SEC23IP: variants seen among roughly 807,000 people sequenced by gnomAD.
SEC23IP encodes the protein SEC23-interacting protein.
SEC23IP carries 70 observed loss-of-function variants against 113.4 expected under a neutral mutation model. That is an observed-to-expected ratio of 0.62 (90% CI 0.51 to 0.75). The LOEUF (loss-of-function observed/expected upper bound fraction) is 0.75. Among genes scored for constraint, SEC23IP ranks in the 30% least tolerant of loss-of-function variants. The pLI, the probability that SEC23IP is intolerant of heterozygous loss-of-function variation, is 0.00. For synonymous variants in SEC23IP, 398 were observed against 421.0 expected, an observed-to-expected ratio of 0.95 and a Z score of 0.67; for missense variants, 1,160 against 1,204.9, an observed-to-expected ratio of 0.96 and a Z score of 0.55.
chr10:119,934,222 A>G (rs1042842090), intron 18 of SEC23IP, among the ~76,000 whole-genome samples: 2 of 152,182 alleles, frequency 1.3e-5, no homozygotes, highest in Non-Finnish European at 2.9e-5. Context: ...CCTCATAGTT[A>G]TAAGGTGCCC....
intron 18 of SEC23IP, among the ~76,000 whole-genome samples, chr10:119,939,903 C>T (rs1157531151): frequency 1.3e-5 from 2 of 152,036 alleles, no homozygotes; most frequent in Non-Finnish European, 2.9e-5. Context: ...CCCCAAGTTG[C>T]CCAGGCTGGT....
intron 15 of SEC23IP, among the ~76,000 whole-genome samples, chr10:119,931,860 G>A (rs901216152): frequency 4.0e-5 from 6 of 151,674 alleles, no homozygotes; most frequent in East Asian, 1.9e-4. Context: ...ATGTGCTTAC[G>A]TTTTTATGGT....
chr10:119,915,642 G>T, intron 7 of SEC23IP, 106 bp from the exon 8 acceptor site: 2 of 804,438 alleles, frequency 2.5e-6, no homozygotes, highest in Non-Finnish European at 3.5e-6. Flanking sequence ...TTTAAAAAAT[G>T]TATCTTTATG....
chr10:119,932,595 AGTT>A (rs1160939001), intron 16 of SEC23IP, among the ~76,000 whole-genome samples: 2 of 152,158 alleles, frequency 1.3e-5, no homozygotes, highest in Non-Finnish European at 2.9e-5. Flanking sequence ...GGAATATCCG[AGTT>A]GAGAACTCAA....
chr10:119,932,145 GTCTC>G lies in SEC23IP; in HGVS notation c.2590_2593del (p.Ser864ValfsTer6). On this transcript the variant is annotated frameshift_variant, in exon 16 of 19. Transcript: ENST00000369075. LOFTEE classifies it high-confidence loss of function. Reference sequence around the variant, plus strand: ...TTAATCTCTTTAGAATTGAAAGAGAGTCTCTCTCGTATGGGATCTGATTTGAAGC... The same window carrying G: ...TTAATCTCTTTAGAATTGAAAGAGAGTCTCGTATGGGATCTGATTTGAAGC... The G allele has an allele frequency of 6.2e-7, 1 of 1,607,652 alleles. No homozygotes were observed. Among genetic ancestry groups the G allele is most frequent in the Non-Finnish European group, 8.5e-7 (1 of 1,174,524 alleles).
chr10:119,907,083 G>A (rs143442789), intron 4 of SEC23IP, among the ~76,000 whole-genome samples: 5 of 151,442 alleles, frequency 3.3e-5, no homozygotes, highest in African/African-American at 1.2e-4. Flanking sequence ...GATTGCTTGA[G>A]ATTAGGATTT....
At chr10:119,899,681 A>G (rs560674030) in intron 2 of SEC23IP, among the ~76,000 whole-genome samples, 4 of 152,282 alleles carry the variant, frequency 2.6e-5, no homozygotes, top group Non-Finnish European at 5.9e-5. Context: ...ATTTTTGACA[A>G]TGTTGGATTT....
chr10:119,937,378 C>T (rs997837682), intron 18 of SEC23IP, among the ~76,000 whole-genome samples: 3 of 151,916 alleles, frequency 2.0e-5, no homozygotes, highest in Non-Finnish European at 4.4e-5. Flanking sequence ...GTAATCCCAG[C>T]ACTTTGGCAG....
chr10:119,917,714 C>T lies in SEC23IP; in HGVS notation c.1545-122C>T. The T allele has an allele frequency of 1.2e-5, 8 of 683,394 alleles. No homozygotes were observed. The South Asian group carries it at 1.5e-4, about 13-fold the overall frequency. The allele number at this position is 683,394 out of a possible 1,614,324, so 42.3% of individuals were successfully genotyped here. ...TATTTATAATGACTATCTACAGAAA[C>T]AACTCATAGTCTGTGGGGTTTTCTT... On this transcript the variant is annotated intron_variant, in intron 8 of 18. Transcript: ENST00000369075.
At chr10:119,912,942 C>T (rs192705265) in intron 6 of SEC23IP, among the ~76,000 whole-genome samples, 2 of 152,274 alleles carry the variant, frequency 1.3e-5, no homozygotes, top group Admixed American at 6.5e-5. Flanking sequence ...CACCCTACCT[C>T]TCCTAGGTAT....
At chr10:119,898,355 C>T in intron 1 of SEC23IP, 72 bp from the exon 2 acceptor site, 2 of 1,458,976 alleles carry the variant, frequency 1.4e-6, no homozygotes, top group South Asian at 3.2e-5. Context: ...ATTGCTAGCC[C>T]TTCCTTATAG....
intron 18 of SEC23IP, among the ~76,000 whole-genome samples, chr10:119,940,129 T>C (rs573088041): frequency 1.3e-5 from 2 of 152,084 alleles, no homozygotes; most frequent in Non-Finnish European, 2.9e-5. Flanking sequence ...GCTTACAGGC[T>C]GTGCTCTTTG....
At chr10:119,940,280 C>T (rs191956575) in intron 18 of SEC23IP, among the ~76,000 whole-genome samples, 41 of 151,602 alleles carry the variant, frequency 2.7e-4, no homozygotes, top group African/African-American at 9.9e-4. Context: ...CTCCGCCTCC[C>T]GTGTTCACAC....
intron 18 of SEC23IP, among the ~76,000 whole-genome samples, chr10:119,934,634 CAG>C (rs1251450571): frequency 1.3e-5 from 2 of 152,182 alleles, no homozygotes; most frequent in Non-Finnish European, 2.9e-5. Context: ...TTGAAAGAAT[CAG>C]ACACAAAATG....
Position 119,904,217 on chromosome 10 carries a change from C to T in SEC23IP, c.1041C>T (p.Tyr347=). 1 of 1,614,144 alleles carries T rather than the reference C, an allele frequency of 6.2e-7. No homozygotes were observed. The highest frequency in any genetic ancestry group is 8.5e-7 in the Non-Finnish European group (1 of 1,180,020). The change falls in exon 4 of 19, where the codon TAC becomes TAT. Residue 347 remains tyrosine (Y), a synonymous_variant. Coordinates refer to ENST00000369075, the MANE Select transcript of SEC23IP (RefSeq NM_007190.4). ...AAGTGAGACGCTGTACTTGGTTTTA[C>T]AAGGGGGACACAGATAGTCGATTTA... The part of the protein sequence containing the change: ...PAEVRRCTWF[Y]KGDTDSRFIP...
chr10:119,914,581 G>A (rs1854982472), intron 6 of SEC23IP, 149 bp from the exon 7 acceptor site: 1 of 640,814 alleles, frequency 1.6e-6, no homozygotes, highest in Non-Finnish European at 2.8e-6. Context: ...CCTCTAATTT[G>A]ATAGGGGTAA....
chr10:119,920,124 G>T (rs1164344804), intron 11 of SEC23IP, among the ~76,000 whole-genome samples: 1 of 151,962 alleles, frequency 6.6e-6, no homozygotes, highest in African/African-American at 2.4e-5. Context: ...CAGGGTGAAG[G>T]GAACTAGGCA....
chr10:119,933,448 A>G (rs1462786285), intron 17 of SEC23IP, among the ~76,000 whole-genome samples: 2 of 152,260 alleles, frequency 1.3e-5, no homozygotes, highest in East Asian at 3.9e-4. Context: ...TCTTTCCTGT[A>G]TCCCTGTCAC....
In SEC23IP at chr10:119,898,930, T is replaced by C; in HGVS notation, c.667T>C (p.Tyr223His). 6.3e-7 allele frequency: 1 copy of C among 1,596,342 alleles called. No homozygotes were observed. Among genetic ancestry groups the C allele is most frequent in the Non-Finnish European group, 8.5e-7 (1 of 1,177,334 alleles). Residue 223 changes from tyrosine to histidine, a missense_variant, in exon 2 of 19, where the codon TAC (tyrosine) becomes CAC (histidine). Transcript: ENST00000369075. ...ACCTTCTGGACCCCCTGTTCAGATG[T>C]ACCAGATGCCTCCAGGATCTTTGCC... ...PPPSGPPVQM[Y>H]QMPPGSLPPV...
Sources: gnomAD v4.1 joint callset for allele counts (sites outside exome capture counted in the v4.1 genomes callset) on GRCh38, gnomAD v4.1.1 for gene constraint, MANE v1.5 for transcripts, NCBI Gene and HGNC (gene_info 2026-07-23, HGNC 2026-07-21) for gene names.